Variants in LRFN1 observed in about 807,000 individuals in gnomAD.
LRFN1 encodes leucine rich repeat and fibronectin type III domain containing 1.
In LRFN1, 20 loss-of-function variants were observed where a neutral mutation model predicts 31.8. The observed-to-expected ratio is 0.63, with a 90% CI of 0.44 to 0.91. LRFN1 has a LOEUF of 0.91. Ranked by LOEUF, LRFN1 falls within the 40% of genes least tolerant of loss-of-function variation. LRFN1 has a pLI of 0.00. For synonymous variants in LRFN1, 514 were observed against 541.3 expected, an observed-to-expected ratio of 0.95 and a Z score of 0.70; for missense variants, 912 against 1,129.8, an observed-to-expected ratio of 0.81 and a Z score of 2.76.
At chr19:39,320,430 G>A (rs1194555418) in intron 1 of LRFN1, among the ~76,000 whole-genome samples, 1 of 151,768 alleles carries the variant, frequency 6.6e-6, no homozygotes, top group Non-Finnish European at 1.5e-5. Flanking sequence ...AGCTAGTCGC[G>A]CACGCACATG....
rs1475506174 is a variant in LRFN1 at position 39,320,854 on chromosome 19, G to T, written c.-187C>A. 1 of 146,348 alleles carries T rather than the reference G, an allele frequency of 6.8e-6. No homozygotes were observed. The highest frequency in any genetic ancestry group is 2.0e-4 in the East Asian group (1 of 4,982). 9.1% of individuals were successfully genotyped at this position (146,348 alleles called of 1,614,324 possible). A position where few individuals can be genotyped will look rare whatever the true frequency, so the allele number is the denominator to read the frequency against. On this transcript the variant is annotated 5_prime_UTR_variant, in exon 1 of 5. Coordinates refer to ENST00000248668, the MANE Select transcript of LRFN1 (RefSeq NM_020862.2). ...GCTGCCTCGCTCCGCGCCATGGTGG[G>T]GGGAGGGCCGGGGGAGGGGGCGCGG...
chr19:39,318,020 CA>C (rs1302535918), intron 2 of LRFN1, among the ~76,000 whole-genome samples: 1 of 152,096 alleles, frequency 6.6e-6, no homozygotes, highest in East Asian at 1.9e-4. Context: ...TTACTGATAT[CA>C]TGAGGAAACC....
rs905568092 is a variant in LRFN1 at position 39,315,691 on chromosome 19, C to T, written c.-37-318G>A. ...AAAATTAGCTGGGCATGGTGGTGGG[C>T]GCCTGTAATCCCAGCTACTTGGGAG... On this transcript the variant is annotated intron_variant, in intron 3 of 4. Coordinates refer to ENST00000248668, the MANE Select transcript of LRFN1 (RefSeq NM_020862.2). The surrounding 1 kb of genome is among the most constrained non-coding windows in gnomAD (Gnocchi z 4.7). 9.9e-5 allele frequency among the ~76,000 whole-genome samples: 15 copies of T among 151,924 alleles called. No homozygotes were observed. The highest frequency in any genetic ancestry group is 1.8e-4 in the Non-Finnish European group (12 of 67,976).
intron 1 of LRFN1, among the ~76,000 whole-genome samples, chr19:39,320,091 G>A (rs2075183330): frequency 1.6e-5 from 2 of 122,350 alleles, no homozygotes; most frequent in South Asian, 2.5e-4. Flanking sequence ...TCCACCTCCT[G>A]GCCGCCCATC....
At position 39,315,435 on chromosome 19, in the gene LRFN1, C is replaced by G. The variant is rs1031829931; in HGVS notation, c.-37-62G>C. The stretch of plus-strand genomic sequence containing the variant: ...TTGGCCGCCATGGGATGTCCTGCTA[C>G]GAGTCAGGCCTGGATCCCTCCCCTA... On this transcript the variant is annotated intron_variant, in intron 3 of 4. Transcript: ENST00000248668. This position sits in a 1 kb window ranked among gnomAD's most constrained non-coding sequence, Gnocchi z 4.7. The G allele has an allele frequency of 1.1e-5, 12 of 1,140,130 alleles. No individual in the cohort carries two copies. The highest frequency in any genetic ancestry group is 1.4e-5 in the Non-Finnish European group (12 of 833,602). 70.6% of individuals were successfully genotyped at this position (1,140,130 alleles called of 1,614,324 possible).
At chr19:39,313,800 G>C in intron 4 of LRFN1, 131 bp downstream of exon 4, 1 of 778,772 alleles carries the variant, frequency 1.3e-6, no homozygotes, top group East Asian at 2.7e-5. Flanking sequence ...ACAGGGCAAA[G>C]GAGGGCGGGA....
chr19:39,315,351 G>A lies in LRFN1; in HGVS notation c.-15C>T, dbSNP rs2075168720. On this transcript the variant is annotated 5_prime_UTR_variant, in exon 4 of 5. Transcript: ENST00000248668. The surrounding 1 kb of genome is among the most constrained non-coding windows in gnomAD (Gnocchi z 4.7). ...CCTGGAGCCATGGTGCAGTGGGAAGGCAGGAGGGGTGGGAGGTGAGACCTG... is the reference window on the plus strand; with the variant it reads ...CCTGGAGCCATGGTGCAGTGGGAAGACAGGAGGGGTGGGAGGTGAGACCTG... The A allele has an allele frequency of 6.9e-7, 1 of 1,443,794 alleles. No homozygotes were observed. The highest frequency in any genetic ancestry group is 1.4e-5 in the South Asian group (1 of 69,884). The allele number at this position is 1,443,794 out of a possible 1,614,324, so 89.4% of individuals were successfully genotyped here.
At position 39,315,116 on chromosome 19, in the gene LRFN1, T is replaced by C; in HGVS notation, c.221A>G (p.Asp74Gly). ...DRRVVELRLTDNFIAAVRRRD... is the reference protein window; with the variant it reads ...DRRVVELRLTGNFIAAVRRRD... ...GCGGCGCACGGCGGCGATGAAGTTG[T>C]CGGTGAGCCGCAGCTCCACCACGCG... Residue 74 changes from aspartate to glycine, a missense_variant, in exon 4 of 5, where the codon GAC (aspartate) becomes GGC (glycine). By Grantham distance (94) the Asp-to-Gly change is moderately conservative. Transcript: ENST00000248668. The surrounding 1 kb of genome is among the most constrained non-coding windows in gnomAD (Gnocchi z 4.7). 1 of 1,593,570 alleles carries C rather than the reference T, an allele frequency of 6.3e-7. No individual in the cohort carries two copies. The highest frequency in any genetic ancestry group is 1.1e-5 in the South Asian group (1 of 89,770).
In LRFN1 at chr19:39,308,221, G is replaced by T. The variant is rs566825325; in HGVS notation, c.1728C>A (p.Leu576=). Residue 576 remains leucine (L), a synonymous_variant, in exon 5 of 5, where the codon CTC becomes CTA. Transcript: ENST00000248668. This position sits in a 1 kb window ranked among gnomAD's most constrained non-coding sequence, Gnocchi z 6.2. ...GCGAGCACACGTGGCTGACCCGCGG[G>T]AGCGACCTGGAGCCCTTGACGCGGC... ...DSRRVKGSRS[L]PRVSHVCSQT... The T allele has an allele frequency of 3.7e-6, 6 of 1,610,464 alleles. No individual in the cohort carries two copies. The South Asian group carries it at 6.6e-5, about 18-fold the overall frequency.
At chr19:39,313,834 C>T in intron 4 of LRFN1, 97 bp downstream of exon 4, 6 of 1,182,604 alleles carry the variant, frequency 5.1e-6, no homozygotes, top group Non-Finnish European at 7.1e-6. Context: ...CCATCTAGAA[C>T]CCTGGCTGAG....
At chr19:39,318,030 C>A (rs1193299073) in intron 2 of LRFN1, among the ~76,000 whole-genome samples, 7 of 152,068 alleles carry the variant, frequency 4.6e-5, no homozygotes, top group Non-Finnish European at 1.5e-5. Flanking sequence ...CATGAGGAAA[C>A]CTTGCTTTCC....
rs759237718 is a variant in LRFN1 at position 39,314,517 on chromosome 19, T to C, written c.820A>G (p.Thr274Ala). ...RRLTREDDLE[T>A]CATPEHLTDR... ...GTGAGGTGTTCGGGCGTGGCGCAGG[T>C]CTCTAAGTCGTCCTCGCGGGTCAGC... Residue 274 changes from threonine (T) to alanine (A), a missense_variant, in exon 4 of 5, where the codon ACC becomes GCC. Physicochemically the swap from Thr to Ala is moderately conservative, Grantham distance 58 (BLOSUM62 0). Coordinates refer to ENST00000248668, the MANE Select transcript of LRFN1 (RefSeq NM_020862.2). The C allele has an allele frequency of 1.2e-6, 2 of 1,610,314 alleles. No homozygotes were observed. Among genetic ancestry groups the C allele is most frequent in the East Asian group, 4.5e-5 (2 of 44,750 alleles).
chr19:39,317,332 G>A (rs2075175183), intron 2 of LRFN1, among the ~76,000 whole-genome samples: 3 of 152,036 alleles, frequency 2.0e-5, no homozygotes, highest in African/African-American at 7.3e-5. Flanking sequence ...CCATCTCTGA[G>A]TTCACCCCAA....
At chr19:39,312,802 A>G (rs2075155390) in intron 4 of LRFN1, among the ~76,000 whole-genome samples, 1 of 94,494 alleles carries the variant, frequency 1.1e-5, no homozygotes, top group African/African-American at 1.4e-4. Flanking sequence ...GACCCTGCCA[A>G]AAAAAAAAAA....
At chr19:39,316,175 G>A (rs1470310810) in intron 2 of LRFN1, 39 bp from the exon 3 acceptor site, 1 of 151,990 alleles carries the variant, frequency 6.6e-6, no homozygotes, top group Non-Finnish European at 1.5e-5. Flanking sequence ...ACTTCTGTGA[G>A]GATTAAATGT....
intron 1 of LRFN1, among the ~76,000 whole-genome samples, chr19:39,318,812 C>G (rs1181620969): frequency 1.3e-5 from 2 of 152,188 alleles, no homozygotes; most frequent in Non-Finnish European, 2.9e-5. Flanking sequence ...ATGTCAGAAC[C>G]CACGCAAGCC....
In LRFN1 at chr19:39,313,990, G is replaced by C. The variant is rs747915099; in HGVS notation, c.1347C>G (p.Pro449=). The C allele has an allele frequency of 5.0e-6, 8 of 1,610,146 alleles. No individual in the cohort carries two copies. The highest frequency in any genetic ancestry group is 1.1e-5 in the South Asian group (1 of 91,048). The change falls in exon 4 of 5, where the codon CCC becomes CCG. Residue 449 remains proline, a synonymous_variant. Coordinates refer to ENST00000248668, the MANE Select transcript of LRFN1 (RefSeq NM_020862.2). Reference sequence around the variant, plus strand: ...ACTGAACCTGGTACATGCGTATTCCGGGCACAGGCCTCTGGGCTGGCCAGC... The same window carrying C: ...ACTGAACCTGGTACATGCGTATTCCCGGCACAGGCCTCTGGGCTGGCCAGC... ...LIRWPAQRPV[P]GIRMYQVQYN... is the part of the protein sequence containing the mutation.
chr19:39,307,910 G>A lies in LRFN1; in HGVS notation c.2039C>T (p.Pro680Leu). ...AGCTAGAGTAGGGGGCGCCGAGGTT[G>A]GTGGCTCCAGGGCGCCGGATCGGCT... Reference protein sequence around the residue: ...RRSRSGALEPPTSAPPTLALV... With the variant: ...RRSRSGALEPLTSAPPTLALV... The change falls in exon 5 of 5, where the codon CCA becomes CTA. Residue 680 changes from proline to leucine, a missense_variant. By Grantham distance (98) the Pro-to-Leu change is moderately conservative (BLOSUM62 -3). This residue lies in a region of LRFN1 where 511 missense variants were observed against 557.0 expected (regional missense o/e 0.92). Transcript: ENST00000248668. The surrounding 1 kb of genome is among the most constrained non-coding windows in gnomAD (Gnocchi z 6.7). The A allele has an allele frequency of 6.4e-7, 1 of 1,566,358 alleles. No homozygotes were observed. The highest frequency in any genetic ancestry group is 8.6e-7 in the Non-Finnish European group (1 of 1,163,596).
chr19:39,308,639 T>C lies in LRFN1; in HGVS notation c.1407-97A>G. 1 of 1,136,394 alleles carries C rather than the reference T, an allele frequency of 8.8e-7. No homozygotes were observed. The highest frequency in any genetic ancestry group is 1.2e-6 in the Non-Finnish European group (1 of 824,918). 70.4% of individuals were successfully genotyped at this position (1,136,394 alleles called of 1,614,324 possible). A position where few individuals can be genotyped will look rare whatever the true frequency, so the allele number is the denominator to read the frequency against. ...ATGGTGAACAGTGGGGACTAAACCC[T>C]GCTATCGAAGTCTCAGCCGCTACTG... On this transcript the variant is annotated intron_variant, in intron 4 of 4. Transcript: ENST00000248668. This position sits in a 1 kb window ranked among gnomAD's most constrained non-coding sequence, Gnocchi z 6.2.
Sources: allele counts gnomAD v4.1 joint callset (sites outside exome capture counted in the v4.1 genomes callset), GRCh38; gene constraint gnomAD v4.1.1; regional missense constraint gnomAD v4.1.1; non-coding constraint Gnocchi (gnomAD v3.1); transcripts MANE v1.5; gene names NCBI Gene and HGNC (gene_info 2026-07-23, HGNC 2026-07-21).